Variants in SLC6A5 observed in about 807,000 individuals in gnomAD.
SLC6A5 encodes the protein sodium- and chloride-dependent glycine transporter 2.
SLC6A5 carries 58 observed loss-of-function variants against 90.5 expected under a neutral mutation model. The ratio of observed to expected loss-of-function variants is 0.64; its 90% CI spans 0.52 to 0.80. The LOEUF is 0.80. Ranked by LOEUF, SLC6A5 falls within the 30% of genes least tolerant of loss-of-function variation. The pLI, the probability that SLC6A5 is intolerant of heterozygous loss-of-function variation, is 0.00. For synonymous variants in SLC6A5, 427 were observed against 401.4 expected (o/e 1.06, Z -0.76); for missense variants, 1,015 against 1,017.6 (o/e 1.00, Z 0.03).
intron 2 of SLC6A5, 118 bp from the exon 3 acceptor site, chr11:20,604,168 C>G: frequency 2.3e-6 from 3 of 1,308,180 alleles, no homozygotes; most frequent in South Asian, 2.9e-5. Context: ...GATGCATCCT[C>G]GGTTGAGAAG....
chr11:20,647,583 G>A (rs1215176721), intron 14 of SLC6A5, among the ~76,000 whole-genome samples: 3 of 151,664 alleles, frequency 2.0e-5, no homozygotes, highest in Non-Finnish European at 2.9e-5. Flanking sequence ...TCACAGCCAC[G>A]TTTTCCACGT....
At chr11:20,600,283 A>G (rs1284467183) in intron 1 of SLC6A5, among the ~76,000 whole-genome samples, 1 of 150,718 alleles carries the variant, frequency 6.6e-6, no homozygotes, top group Non-Finnish European at 1.5e-5. Context: ...GCAAGCTTAG[A>G]GTTGTGAAGG....
chr11:20,654,729 G>A lies in SLC6A5; in HGVS notation c.2255G>A (p.Cys752Tyr). 1 of 1,614,170 alleles carries A rather than the reference G, an allele frequency of 6.2e-7. No individual in the cohort carries two copies. The highest frequency in any genetic ancestry group is 8.5e-7 in the Non-Finnish European group (1 of 1,180,030). The stretch of plus-strand genomic sequence containing the variant: ...TCTTTGCAGAGGCTGAAGTTGGTGT[G>A]CTCGCCACAGCCGGACTGGGGCCCA... ...GRFIERLKLVCSPQPDWGPFL... is the reference protein window; with the variant it reads ...GRFIERLKLVYSPQPDWGPFL... Residue 752 changes from cysteine (C) to tyrosine (Y), a missense_variant, in exon 16 of 16, where the codon TGC (cysteine) becomes TAC (tyrosine). Cys to Tyr is a radical substitution (Grantham distance 194). Transcript: ENST00000525748.
intron 7 of SLC6A5, among the ~76,000 whole-genome samples, chr11:20,623,258 C>T (rs551969802): frequency 7.9e-5 from 12 of 151,850 alleles, no homozygotes; most frequent in Admixed American, 3.3e-4. Flanking sequence ...AGAAAGAGTT[C>T]GGCCTTGAGT....
chr11:20,612,963 G>C (rs1356394479), intron 5 of SLC6A5, among the ~76,000 whole-genome samples: 1 of 152,240 alleles, frequency 6.6e-6, no homozygotes, highest in African/African-American at 2.4e-5. Context: ...ATTGGCTGGA[G>C]TGCTCTCTGG....
In SLC6A5 at chr11:20,601,368, A is replaced by G; in HGVS notation, c.243A>G (p.Lys81=). The G allele has an allele frequency of 6.2e-7, 1 of 1,602,748 alleles. No homozygotes were observed. Among genetic ancestry groups the G allele is most frequent in the Non-Finnish European group, 8.5e-7 (1 of 1,176,246 alleles). The part of the protein sequence containing the change: ...EAERPGVGSC[K]LSSPRAQAAS... ...AGCGGCCAGGAGTGGGGTCTTGCAAACTCAGTAGCCCGCGGGCGCAGGCGG... is the reference window on the plus strand; with the variant it reads ...AGCGGCCAGGAGTGGGGTCTTGCAAGCTCAGTAGCCCGCGGGCGCAGGCGG... The change falls in exon 2 of 16, where the codon AAA becomes AAG. Residue 81 remains lysine, a synonymous_variant. Transcript: ENST00000525748.
chr11:20,650,735 C>T (rs1378378304), intron 14 of SLC6A5, among the ~76,000 whole-genome samples: 2 of 140,620 alleles, frequency 1.4e-5, no homozygotes, highest in Admixed American at 8.0e-5. Context: ...GGCGCGATCT[C>T]GGCTCACTGC....
In SLC6A5 at chr11:20,628,127, G is replaced by C. The variant is rs181268710; in HGVS notation, c.1499+44G>C. ...AGATCTGGGCATAGCTGGTGAGTGG[G>C]ACAGAAGAATGGACTGAGTTATCAG... On this transcript the variant is annotated intron_variant, in intron 9 of 15. Transcript: ENST00000525748. 12 of 1,443,760 alleles carry C rather than the reference G, an allele frequency of 8.3e-6. No homozygotes were observed. The Admixed American group carries it at 2.0e-4, about 24-fold the overall frequency. The allele number at this position is 1,443,760 out of a possible 1,614,324, so 89.4% of individuals were successfully genotyped here.
At chr11:20,601,827 G>A (rs1282705609) in intron 2 of SLC6A5, among the ~76,000 whole-genome samples, 162 bp downstream of exon 2, 1 of 152,210 alleles carries the variant, frequency 6.6e-6, no homozygotes, top group Admixed American at 6.5e-5. Context: ...AGCTCGCACT[G>A]CGCTGGGGTC....
rs779843653 is a variant in SLC6A5 at position 20,601,463 on chromosome 11, G to A, written c.338G>A (p.Gly113Glu). The change falls in exon 2 of 16, where the codon GGG becomes GAG. Residue 113 changes from glycine to glutamate, a missense_variant. Transcript: ENST00000525748. ...GCCTCGCCCCCTCCCGGGAGCTCCG[G>A]GCCCGGCAACGCGCTGCACTGTAAG... ...AQASPPPGSS[G>E]PGNALHCKIP... is the part of the protein sequence containing the mutation. 3 of 1,610,716 alleles carry A rather than the reference G, an allele frequency of 1.9e-6. No individual in the cohort carries two copies. Among genetic ancestry groups the A allele is most frequent in the East Asian group, 4.5e-5 (2 of 44,764 alleles).
chr11:20,602,548 C>T (rs1360063314), intron 2 of SLC6A5, among the ~76,000 whole-genome samples: 1 of 152,218 alleles, frequency 6.6e-6, no homozygotes, highest in Non-Finnish European at 1.5e-5. Context: ...TCCCTTCTCA[C>T]TGCCTGCCTT....
At chr11:20,644,779 T>C (rs929427251) in intron 13 of SLC6A5, among the ~76,000 whole-genome samples, 6 of 152,106 alleles carry the variant, frequency 3.9e-5, no homozygotes, top group Non-Finnish European at 5.9e-5. Flanking sequence ...AATCAAGATA[T>C]AGAACATCAG....
rs761144141 is a variant in SLC6A5 at position 20,646,961 on chromosome 11, C to T, written c.2070+27C>T. On this transcript the variant is annotated intron_variant, in intron 14 of 15. Transcript: ENST00000525748. Reference sequence around the variant, plus strand: ...TAAGGATTTTGCATGTTTTCTTGTGCAGACAGCACCTTGCATACGTATGTG... The same window carrying T: ...TAAGGATTTTGCATGTTTTCTTGTGTAGACAGCACCTTGCATACGTATGTG... 47 of 1,400,636 alleles carry T rather than the reference C, an allele frequency of 3.4e-5. No homozygotes were observed. In the Admixed American group the frequency reaches 7.9e-4, roughly 23 times the overall value. The allele number at this position is 1,400,636 out of a possible 1,614,324, so 86.8% of individuals were successfully genotyped here.
chr11:20,605,732 G>A (rs1429165321), intron 3 of SLC6A5, among the ~76,000 whole-genome samples: 23 of 152,164 alleles, frequency 1.5e-4, no homozygotes, highest in Non-Finnish European at 3.4e-4. Context: ...TCAGGGTTCC[G>A]GAGGAGCCAG....
At chr11:20,619,008 G>T (rs1468538893) in intron 7 of SLC6A5, among the ~76,000 whole-genome samples, 2 of 149,768 alleles carry the variant, frequency 1.3e-5, no homozygotes, top group Admixed American at 1.3e-4. Flanking sequence ...GAGTTAACCA[G>T]TTATTCTGAT....
intron 10 of SLC6A5, among the ~76,000 whole-genome samples, chr11:20,634,699 T>C (rs1462298346): frequency 6.6e-6 from 1 of 152,208 alleles, no homozygotes; most frequent in Non-Finnish European, 1.5e-5. Flanking sequence ...AATAAATGCG[T>C]AAAGCGGGGG....
intron 8 of SLC6A5, among the ~76,000 whole-genome samples, chr11:20,627,535 T>G (rs533641070): frequency 1.1e-4 from 16 of 152,194 alleles, no homozygotes; most frequent in Non-Finnish European, 1.0e-4. Flanking sequence ...GGCATAGAGG[T>G]TGCTTTACTG....
At chr11:20,605,103 C>T (rs78250373) in intron 3 of SLC6A5, among the ~76,000 whole-genome samples, 4 of 152,144 alleles carry the variant, frequency 2.6e-5, no homozygotes, top group African/African-American at 9.6e-5. Context: ...CTCCCTTGTA[C>T]CTCTTCTGTA....
chr11:20,638,823 A>G (rs1853259689), intron 13 of SLC6A5, among the ~76,000 whole-genome samples: 2 of 152,206 alleles, frequency 1.3e-5, no homozygotes, highest in African/African-American at 2.4e-5. Flanking sequence ...CCCTTTGGGT[A>G]TGATCTGGCA....
Sources: allele counts gnomAD v4.1 joint callset (sites outside exome capture counted in the v4.1 genomes callset), GRCh38; gene constraint gnomAD v4.1.1; transcripts MANE v1.5; gene names NCBI Gene and HGNC (gene_info 2026-07-23, HGNC 2026-07-21).